The following TACC2 variants were observed in gnomAD, a reference collection of about 807,000 sequenced individuals.
TACC2 encodes the protein transforming acidic coiled-coil-containing protein 2.
TACC2 carries 137 observed loss-of-function variants against 227.3 expected under a neutral mutation model. The ratio of observed to expected loss-of-function variants is 0.60; its 90% confidence interval spans 0.52 to 0.69. The LOEUF is 0.69. Among genes scored for constraint, TACC2 ranks in the 30% least tolerant of loss-of-function variants. The pLI is 0.00. For synonymous variants in TACC2, 1,523 were observed against 1,487.5 expected, an observed-to-expected ratio of 1.02 and a Z score of -0.55; for missense variants, 3,470 against 3,694.4, an observed-to-expected ratio of 0.94 and a Z score of 1.57.
intron 7 of TACC2, among the ~76,000 whole-genome samples, chr10:122,170,805 G>A (rs547906543): frequency 2.0e-5 from 3 of 152,288 alleles, no homozygotes; most frequent in South Asian, 2.1e-4. Flanking sequence ...GGATCTGGTC[G>A]CCTGTCAGTT....
intron 19 of TACC2, among the ~76,000 whole-genome samples, chr10:122,243,402 A>G (rs1381795540): frequency 1.3e-5 from 2 of 152,160 alleles, no homozygotes; most frequent in Non-Finnish European, 2.9e-5. Context: ...AGCTTGTCCC[A>G]AGGTAAATAT....
chr10:122,125,862 T>C (rs562523981), intron 5 of TACC2, among the ~76,000 whole-genome samples: 1 of 146,538 alleles, frequency 6.8e-6, no homozygotes, highest in Non-Finnish European at 1.5e-5. Context: ...CTGCAACTTC[T>C]GCCTCCCAGG....
rs1365072114 is a variant in TACC2 at position 122,042,466 on chromosome 10, C to T, written c.34-7972C>T. The stretch of plus-strand genomic sequence containing the variant: ...CCATGTTGGCCAGGCTGGTCTCGAA[C>T]TCCTGACCTCAAGTGATCCACCCGC... On this transcript the variant is annotated intron_variant, in intron 2 of 22. Transcript: ENST00000369005. 3.9e-5 allele frequency among the ~76,000 whole-genome samples: 6 copies of T among 152,104 alleles called. No individual in the cohort carries two copies. The South Asian group carries it at 1.2e-3, about 32-fold the overall frequency.
intron 1 of TACC2, among the ~76,000 whole-genome samples, chr10:122,012,991 G>T (rs995763603): frequency 3.9e-5 from 6 of 152,204 alleles, no homozygotes; most frequent in African/African-American, 7.2e-5. Context: ...GCTTCTTGAA[G>T]AGCAGTTGGC....
chr10:122,069,198 T>TG, intron 3 of TACC2, among the ~76,000 whole-genome samples: 1 of 152,228 alleles, frequency 6.6e-6, no homozygotes, highest in South Asian at 2.1e-4. Context: ...AGACCTTCAG[T>TG]GGGGGCAACA....
chr10:122,080,225 GTT>G (rs57690157), intron 3 of TACC2, among the ~76,000 whole-genome samples: 5 of 127,232 alleles, frequency 3.9e-5, no homozygotes, highest in South Asian at 2.4e-4. Context: ...TTTTTTTTTT[GTT>G]TTTTTTTTGT....
intron 19 of TACC2, among the ~76,000 whole-genome samples, chr10:122,245,768 C>T (rs1375071088): frequency 6.6e-6 from 1 of 152,132 alleles, no homozygotes. Context: ...CTTCCTCCTT[C>T]TTGGGGGCTT....
chr10:122,068,961 G>A (rs934003837), intron 3 of TACC2, among the ~76,000 whole-genome samples: 1 of 139,936 alleles, frequency 7.1e-6, no homozygotes, highest in South Asian at 2.2e-4. Context: ...GCCTCCCAAA[G>A]TGCTGGCATT....
intron 19 of TACC2, chr10:122,246,592 C>T (rs1417902325): frequency 6.6e-6 from 1 of 152,224 alleles, no homozygotes; most frequent in Admixed American, 6.5e-5. Context: ...CTTCTCAAAC[C>T]CTCTGTTCCG....
At chr10:122,060,990 G>A (rs1340620932) in intron 3 of TACC2, among the ~76,000 whole-genome samples, 3 of 94,890 alleles carry the variant, frequency 3.2e-5, no homozygotes, top group Non-Finnish European at 5.9e-5. Context: ...GGGCAACAGA[G>A]ACTCCATCTC....
chr10:122,250,060 A>G (rs7086729), intron 22 of TACC2, among the ~76,000 whole-genome samples: 49,049 of 152,190 alleles, frequency 0.32, 8,144 homozygotes, highest in South Asian at 0.45. Flanking sequence ...GCAGAACATG[A>G]GCAGTGTCAG....
chr10:122,087,259 G>A lies in TACC2; in HGVS notation c.4759G>A (p.Glu1587Lys). The change falls in exon 4 of 23, where the codon GAG (glutamate) becomes AAG (lysine). Residue 1587 changes from glutamate to lysine, a missense_variant. By Grantham distance (56) the Glu-to-Lys change is moderately conservative. Around this residue, in one of 10 missense-constraint regions of TACC2, gnomAD observed 1,924 missense variants for 1,978.3 expected, o/e 0.97. Transcript: ENST00000369005. ...FQVAPHSHGEEAVAQDRIPSG... is the reference protein window; with the variant it reads ...FQVAPHSHGEKAVAQDRIPSG... Reference sequence around the variant, plus strand: ...GGTGGCTCCCCATAGCCATGGAGAAGAGGCCGTGGCCCAAGACAGAATTCC... The same window carrying A: ...GGTGGCTCCCCATAGCCATGGAGAAAAGGCCGTGGCCCAAGACAGAATTCC... The A allele has an allele frequency of 1.2e-6, 2 of 1,613,822 alleles. No individual in the cohort carries two copies.
intron 1 of TACC2, among the ~76,000 whole-genome samples, chr10:122,010,752 G>A (rs996839200): frequency 6.6e-6 from 1 of 152,228 alleles, no homozygotes; most frequent in African/African-American, 2.4e-5. Flanking sequence ...GCAGGCTGGT[G>A]TGAAGGAAAG....
At chr10:122,025,050 C>T (rs1957811893) in intron 2 of TACC2, among the ~76,000 whole-genome samples, 1 of 152,122 alleles carries the variant, frequency 6.6e-6, no homozygotes, top group Middle Eastern at 3.2e-3. Context: ...GGGATCTGGT[C>T]TTTGGACCCT....
chr10:122,156,892 C>T (rs1340180290), intron 7 of TACC2, among the ~76,000 whole-genome samples: 1 of 152,168 alleles, frequency 6.6e-6, no homozygotes, highest in Non-Finnish European at 1.5e-5. Context: ...GGGAGGATCA[C>T]TTGAGCCCAG....
chr10:122,105,428 A>T (rs1021222657), intron 5 of TACC2, among the ~76,000 whole-genome samples: 3 of 152,082 alleles, frequency 2.0e-5, no homozygotes, highest in African/African-American at 7.2e-5. Flanking sequence ...AGTGGGGCAG[A>T]AGTGAGCCAT....
chr10:122,003,059 C>A (rs1032560155), intron 1 of TACC2, among the ~76,000 whole-genome samples: 2 of 152,030 alleles, frequency 1.3e-5, no homozygotes, highest in African/African-American at 4.8e-5. Flanking sequence ...AAAAATTAGC[C>A]AGACATAGTG....
Position 122,083,031 on chromosome 10 carries a change from A to G in TACC2, c.531A>G (p.Arg177=). 6.2e-7 allele frequency: 1 copy of G among 1,612,486 alleles called. No homozygotes were observed. Among genetic ancestry groups the G allele is most frequent in the Non-Finnish European group, 8.5e-7 (1 of 1,180,000 alleles). ...CCGTCCCCAGTGCTGGAAGAGAGAGACAGCCGAAGGAAGAAGGACAGAAGT... is the reference window on the plus strand; with the variant it reads ...CCGTCCCCAGTGCTGGAAGAGAGAGGCAGCCGAAGGAAGAAGGACAGAAGT... The part of the protein sequence containing the change: ...IAAVPSAGRE[R]QPKEEGQKSS... Residue 177 remains arginine (R), a synonymous_variant, in exon 4 of 23, where the codon AGA becomes AGG. Transcript: ENST00000369005.
At chr10:122,001,770 C>G (rs1416753423) in intron 1 of TACC2, among the ~76,000 whole-genome samples, 1 of 152,144 alleles carries the variant, frequency 6.6e-6, no homozygotes, top group Non-Finnish European at 1.5e-5. Flanking sequence ...CCATTTCCCC[C>G]CAGAGTTTCC....
Sources: allele counts gnomAD v4.1 joint callset (sites outside exome capture counted in the v4.1 genomes callset), GRCh38; gene constraint gnomAD v4.1.1; regional missense constraint gnomAD v4.1.1; transcripts MANE v1.5; gene names NCBI Gene and HGNC (gene_info 2026-07-23, HGNC 2026-07-21).